The following SLCO5A1 variants were observed in gnomAD, a reference collection of about 807,000 sequenced individuals.
The protein encoded by SLCO5A1 is solute carrier organic anion transporter family member 5A1.
Under a neutral mutation model 65.1 loss-of-function variants are expected in SLCO5A1, and 39 were observed. That is an observed-to-expected ratio of 0.60 (90% CI 0.46 to 0.78). The LOEUF (loss-of-function observed/expected upper bound fraction) is 0.78, where lower values mean the gene tolerates loss of function less well. Ranked by LOEUF, SLCO5A1 falls within the 30% of genes least tolerant of loss-of-function variation. The pLI is 0.00. For missense variants in SLCO5A1, 1,029 were observed against 1,069.4 expected (o/e 0.96, Z 0.53); for synonymous variants, 438 against 415.7 (o/e 1.05, Z -0.65).
rs1294426438 is a variant in SLCO5A1, at chr8:69,755,428, G to GA, written c.1253dup (p.Arg419GlnfsTer26). 1 of 1,612,682 alleles carries GA rather than the reference G, an allele frequency of 6.2e-7. No homozygotes were observed. The highest frequency in any genetic ancestry group is 2.2e-5 in the East Asian group (1 of 44,856). On this transcript the variant is annotated frameshift_variant, in exon 4 of 10. Coordinates refer to ENST00000260126, the MANE Select transcript of SLCO5A1 (RefSeq NM_030958.3). LOFTEE classifies it high-confidence loss of function. The stretch of plus-strand genomic sequence containing the variant: ...TATTCAAGAGGTATACTTTACCTCT[G>GA]ACATCCTTTCCAAATCCCATCGAAG...
intron 2 of SLCO5A1, among the ~76,000 whole-genome samples, chr8:69,802,693 A>G (rs536167633): frequency 3.3e-5 from 5 of 151,776 alleles, no homozygotes; most frequent in South Asian, 2.1e-4. Context: ...GCTCCAACAC[A>G]CCAAACATTT....
rs184832785 is a variant in SLCO5A1, at chr8:69,821,354, G to A, written c.907+10413C>T. Among the ~76,000 whole-genome samples, 741 of 151,608 alleles carry A rather than the reference G, an allele frequency of 4.9e-3. 4 individuals carry two copies. The highest frequency in any genetic ancestry group is 8.1e-3 in the Non-Finnish European group (547 of 67,918). ...AGCCTGGGTGAAAGAGTGAGACTCC[G>A]TCTCAAAAAATAAAATAAAATTTGC... On this transcript the variant is annotated intron_variant, in intron 2 of 9. Coordinates refer to ENST00000260126, the MANE Select transcript of SLCO5A1 (RefSeq NM_030958.3).
chr8:69,724,790 C>G, intron 5 of SLCO5A1, among the ~76,000 whole-genome samples: 1 of 152,138 alleles, frequency 6.6e-6, no homozygotes, highest in East Asian at 1.9e-4. Flanking sequence ...CAGAAAGCAT[C>G]TCTGGGGAAA....
intron 4 of SLCO5A1, among the ~76,000 whole-genome samples, chr8:69,748,818 C>T (rs752492235): frequency 2.6e-5 from 4 of 152,132 alleles, no homozygotes; most frequent in African/African-American, 9.7e-5. Flanking sequence ...GCACTCCAGA[C>T]CTACTGAATC....
At chr8:69,707,570 G>C (rs560194857) in intron 5 of SLCO5A1, among the ~76,000 whole-genome samples, 2 of 152,364 alleles carry the variant, frequency 1.3e-5, no homozygotes, top group South Asian at 4.1e-4. Flanking sequence ...AGCTCAGGTT[G>C]TATTTCTGAT....
intron 5 of SLCO5A1, among the ~76,000 whole-genome samples, chr8:69,735,910 C>A (rs189156716): frequency 3.0e-4 from 45 of 152,152 alleles, no homozygotes; most frequent in African/African-American, 8.4e-4. Context: ...TTGACAGGCC[C>A]CCCTCTACTC....
At chr8:69,813,622 C>T (rs1820297084) in intron 2 of SLCO5A1, among the ~76,000 whole-genome samples, 2 of 152,310 alleles carry the variant, frequency 1.3e-5, no homozygotes, top group Non-Finnish European at 2.9e-5. Flanking sequence ...TACGACATCT[C>T]TCAAGCCGCC....
At chr8:69,738,384 GTT>G (rs35273615) in intron 4 of SLCO5A1, among the ~76,000 whole-genome samples, 180 bp from the exon 5 acceptor site, 1 of 143,462 alleles carries the variant, frequency 7.0e-6, no homozygotes, top group Non-Finnish European at 1.5e-5. Context: ...ATTTTCTTTT[GTT>G]TTTTTTTTTT....
chr8:69,781,349 C>T (rs1586792479), intron 2 of SLCO5A1, among the ~76,000 whole-genome samples: 1 of 152,242 alleles, frequency 6.6e-6, no homozygotes, highest in South Asian at 2.1e-4. Flanking sequence ...GTGATATAAA[C>T]CCTTTAGGAC....
rs1448563495 is a variant in SLCO5A1, at chr8:69,671,657, T to A, written c.*1212A>T. ...CAGAATCACTGCCAGAAACTTACAG[T>A]AAGGGGGAATCAAAGGGTAGTGTAA... is the stretch of plus-strand genomic sequence containing the variant. On this transcript the variant is annotated 3_prime_UTR_variant, in exon 10 of 10. Transcript: ENST00000260126. The A allele has an allele frequency of 6.6e-6, 1 of 152,084 alleles. No individual in the cohort carries two copies. Among genetic ancestry groups the A allele is most frequent in the African/African-American group, 2.4e-5 (1 of 41,404 alleles). The allele number at this position is 152,084 out of a possible 1,614,324, so 9.4% of individuals were successfully genotyped here.
At chr8:69,691,822 C>T (rs939883190) in intron 6 of SLCO5A1, among the ~76,000 whole-genome samples, 8 of 152,220 alleles carry the variant, frequency 5.3e-5, no homozygotes, top group African/African-American at 1.7e-4. Flanking sequence ...CTACTATACT[C>T]CTAGGCTATA....
chr8:69,781,695 T>C (rs1218850591), intron 2 of SLCO5A1, among the ~76,000 whole-genome samples: 1 of 152,184 alleles, frequency 6.6e-6, no homozygotes, highest in African/African-American at 2.4e-5. Flanking sequence ...TTCACTCTTG[T>C]TGCCCAGGCT....
At chr8:69,753,037 C>T (rs1817385597) in intron 4 of SLCO5A1, among the ~76,000 whole-genome samples, 1 of 152,180 alleles carries the variant, frequency 6.6e-6, no homozygotes, top group South Asian at 2.1e-4. Context: ...ATAGTGTATA[C>T]ATTCAATTTC....
chr8:69,732,886 TA>T (rs879687254), intron 5 of SLCO5A1, among the ~76,000 whole-genome samples: 1,596 of 143,650 alleles, frequency 0.011, 12 homozygotes, highest in African/African-American at 0.03. Context: ...AGACTCCGTC[TA>T]AAAAAAAAAA....
chr8:69,721,951 CACCTCAGGTCAGGAGTTGAAGACCAGCCT>C (rs1815842769), intron 5 of SLCO5A1, among the ~76,000 whole-genome samples: 1 of 152,120 alleles, frequency 6.6e-6, no homozygotes, highest in African/African-American at 2.4e-5. Flanking sequence ...GCGGGCAGAT[CACCTCAGGTCAGGAGTTGAAGACCAGCCT>C]AGCCAACATA....
In SLCO5A1 at chr8:69,761,740, T is replaced by C. The variant is rs376164799; in HGVS notation, c.1040+3A>G. On this transcript the variant is annotated splice_donor_region_variant and intron_variant, in intron 3 of 9. Transcript: ENST00000260126. ...AATTTAAAAATTAGAAAACAGAACT[T>C]ACCAGTTTCCAATGAAACGAGGGTC... 6 of 1,612,878 alleles carry C rather than the reference T, an allele frequency of 3.7e-6. No individual in the cohort carries two copies. In the African/African-American group the frequency reaches 8.0e-5, roughly 22 times the overall value.
intron 2 of SLCO5A1, among the ~76,000 whole-genome samples, chr8:69,805,723 C>T (rs1421062895): frequency 6.6e-6 from 1 of 152,140 alleles, no homozygotes; most frequent in African/African-American, 2.4e-5. Flanking sequence ...AAATACAGCC[C>T]CTTCTCCCAC....
intron 5 of SLCO5A1, among the ~76,000 whole-genome samples, chr8:69,736,679 A>T (rs1237280422): frequency 6.6e-6 from 1 of 152,230 alleles, no homozygotes; most frequent in Non-Finnish European, 1.5e-5. Flanking sequence ...ATATTAAAGG[A>T]AATGAAAGGG....
intron 2 of SLCO5A1, among the ~76,000 whole-genome samples, chr8:69,781,754 T>C (rs1254621015): frequency 6.6e-6 from 1 of 151,958 alleles, no homozygotes; most frequent in Non-Finnish European, 1.5e-5. Context: ...ACCTCCCAGG[T>C]TCAAGCAATT....
Sources: gnomAD v4.1 joint callset for allele counts (sites outside exome capture counted in the v4.1 genomes callset) on GRCh38, gnomAD v4.1.1 for gene constraint, MANE v1.5 for transcripts, NCBI Gene and HGNC (gene_info 2026-07-23, HGNC 2026-07-21) for gene names.